Variants in UNKL observed in about 807,000 individuals in gnomAD.
UNKL encodes the protein unk like zinc finger.
UNKL carries 60 observed loss-of-function variants against 78.0 expected under a neutral mutation model. That is an observed-to-expected ratio of 0.77 (90% CI 0.63 to 0.95). UNKL has a LOEUF of 0.95. Ranked by LOEUF, UNKL falls within the 40% of genes least tolerant of loss-of-function variation. The pLI is 0.00. For synonymous variants in UNKL, 608 were observed against 474.8 expected (o/e 1.28, Z -3.65); for missense variants, 1,159 against 1,045.7 (o/e 1.11, Z -1.49).
intron 5 of UNKL, chr16:1,398,884 G>A (rs977741253): frequency 3.7e-5 from 58 of 1,574,630 alleles, no homozygotes; most frequent in Middle Eastern, 1.7e-4. Context: ...TGGGCAGGGC[G>A]ACCCTTGGGT....
intron 2 of UNKL, chr16:1,406,052 T>G (rs1596765557): frequency 2.2e-6 from 1 of 456,564 alleles, no homozygotes; most frequent in South Asian, 1.5e-5. Context: ...TGCCGGCTGG[T>G]TCCCAGGGAA....
intron 6 of UNKL, 75 bp from the exon 7 acceptor site, chr16:1,394,290 C>G: frequency 1.3e-6 from 2 of 1,492,688 alleles, no homozygotes; most frequent in Middle Eastern, 1.7e-4. Flanking sequence ...GGCATCATCC[C>G]AAGGGAGAGG....
intron 3 of UNKL, among the ~76,000 whole-genome samples, chr16:1,402,102 G>A (rs542163408): frequency 9.8e-5 from 15 of 152,346 alleles, no homozygotes; most frequent in East Asian, 3.9e-4. Flanking sequence ...GGCAGGATTC[G>A]CTTTTCTGCA....
chr16:1,392,815 A>G (rs552656140), intron 8 of UNKL, 76 bp downstream of exon 8: 6 of 1,495,642 alleles, frequency 4.0e-6, no homozygotes, highest in Admixed American at 2.0e-5. Flanking sequence ...CTGAAAACTC[A>G]TATCCATCCA....
chr16:1,396,641 C>T (rs1029632557), intron 6 of UNKL, among the ~76,000 whole-genome samples: 1 of 151,758 alleles, frequency 6.6e-6, no homozygotes, highest in African/African-American at 2.4e-5. Flanking sequence ...TTGCCCAGGC[C>T]AGAGTGCAGT....
In UNKL at chr16:1,397,466, G is replaced by A. The variant is rs554559697; in HGVS notation, c.735-171C>T. ...CGTGCTTCACGCTGGGGCAGGGCGT[G>A]GACCTGGGGATGAGGAGGTGTCAGG... On this transcript the variant is annotated intron_variant, in intron 5 of 14. Transcript: ENST00000389221. Among the ~76,000 whole-genome samples the A allele has an allele frequency of 8.8e-5, 8 of 91,250 alleles. 1 individual carries two copies. The South Asian group carries it at 3.1e-3, about 35-fold the overall frequency. The allele number at this position is 91,250 out of a possible 152,430, so 59.9% of individuals were successfully genotyped here.
intron 11 of UNKL, 46 bp from the exon 12 acceptor site, chr16:1,370,403 T>C: frequency 3.3e-6 from 5 of 1,510,048 alleles, no homozygotes; most frequent in Non-Finnish European, 4.4e-6. Flanking sequence ...GCCAGGCCTC[T>C]GCCCAAACAT....
chr16:1,390,271 C>T (rs2036992314), intron 9 of UNKL, among the ~76,000 whole-genome samples: 1 of 152,194 alleles, frequency 6.6e-6, no homozygotes, highest in Non-Finnish European at 1.5e-5. Flanking sequence ...CAGGTGTGAG[C>T]CACCGTGCCC....
intron 2 of UNKL, chr16:1,405,813 C>T (rs554971017): frequency 1.1e-5 from 4 of 376,622 alleles, no homozygotes; most frequent in East Asian, 7.4e-5. Context: ...CTCTGCCTCA[C>T]GCTCCAATGC....
chr16:1,406,063 C>T lies in UNKL; in HGVS notation c.288-2719G>A, dbSNP rs529766968. On this transcript the variant is annotated intron_variant, in intron 2 of 14. Coordinates refer to ENST00000389221, the MANE Select transcript of UNKL (RefSeq NM_001372107.1). ...GCACTGCCGGCTGGTTCCCAGGGAA[C>T]GTGCGAGAACCACCGGGCTTAGGAG... 11 of 456,732 alleles carry T rather than the reference C, an allele frequency of 2.4e-5. No individual in the cohort carries two copies. In the East Asian group the frequency reaches 3.5e-4, roughly 14 times the overall value. The allele number at this position is 456,732 out of a possible 1,614,324, so 28.3% of individuals were successfully genotyped here.
At chr16:1,374,718 G>A (rs184988639) in intron 10 of UNKL, among the ~76,000 whole-genome samples, 11 of 152,232 alleles carry the variant, frequency 7.2e-5, no homozygotes, top group Admixed American at 3.3e-4. Context: ...AGGCAGGGCT[G>A]ACTCGTCAGG....
intron 10 of UNKL, among the ~76,000 whole-genome samples, chr16:1,376,020 G>A (rs2036188619): frequency 6.6e-6 from 1 of 152,220 alleles, no homozygotes; most frequent in Non-Finnish European, 1.5e-5. Flanking sequence ...GCCTTGGACA[G>A]GTGGCTCCAA....
intron 2 of UNKL, among the ~76,000 whole-genome samples, chr16:1,410,580 C>G (rs2037994990): frequency 6.6e-6 from 1 of 152,240 alleles, no homozygotes; most frequent in South Asian, 2.1e-4. Context: ...GCACTCCAGC[C>G]TGGGTGACAT....
At chr16:1,384,447 G>A (rs1318969076) in intron 10 of UNKL, among the ~76,000 whole-genome samples, 2 of 151,968 alleles carry the variant, frequency 1.3e-5, no homozygotes, top group South Asian at 2.1e-4. Flanking sequence ...GCACCATCAC[G>A]TGTCTCAGTG....
chr16:1,390,827 C>G, intron 8 of UNKL, 133 bp from the exon 9 acceptor site: 1 of 892,814 alleles, frequency 1.1e-6, no homozygotes, highest in East Asian at 2.8e-5. Flanking sequence ...CTCAGGAGTT[C>G]GAGACCAGCC....
At position 1,385,347 on chromosome 16, in the gene UNKL, G is replaced by T; in HGVS notation, c.1125C>A (p.Ala375=). Residue 375 remains alanine (A), a synonymous_variant, in exon 10 of 15, where the codon GCC becomes GCA. Transcript: ENST00000389221. The stretch of plus-strand genomic sequence containing the variant: ...ACGCCACGCTGGAGCTCACGCTGGG[G>T]GCCGGCGGGTGGACCGCTGCAAACA... ...LAVFAAVHPP[A]PSVSSSVASS... The T allele has an allele frequency of 7.0e-7, 1 of 1,418,958 alleles. No individual in the cohort carries two copies. The highest frequency in any genetic ancestry group is 9.2e-7 in the Non-Finnish European group (1 of 1,090,130). The allele number at this position is 1,418,958 out of a possible 1,614,324, so 87.9% of individuals were successfully genotyped here.
chr16:1,403,484 G>C lies in UNKL; in HGVS notation c.288-140C>G. The C allele has an allele frequency of 9.0e-7, 1 of 1,105,324 alleles. No individual in the cohort carries two copies. The highest frequency in any genetic ancestry group is 1.3e-6 in the Non-Finnish European group (1 of 790,462). The allele number at this position is 1,105,324 out of a possible 1,614,324, so 68.5% of individuals were successfully genotyped here. A position where few individuals can be genotyped will look rare whatever the true frequency, so the allele number is the denominator to read the frequency against. ...TCCAGATTCCTGTTCTAATCAGAAGGACGGACACACTGGACGCAGCACCTG... is the reference window on the plus strand; with the variant it reads ...TCCAGATTCCTGTTCTAATCAGAAGCACGGACACACTGGACGCAGCACCTG... On this transcript the variant is annotated intron_variant, in intron 2 of 14. Coordinates refer to ENST00000389221, the MANE Select transcript of UNKL (RefSeq NM_001372107.1). This position sits in a 1 kb window ranked among gnomAD's most constrained non-coding sequence, Gnocchi z 4.8.
At chr16:1,391,976 C>A (rs2037070015) in intron 8 of UNKL, among the ~76,000 whole-genome samples, 1 of 152,204 alleles carries the variant, frequency 6.6e-6, no homozygotes, top group Non-Finnish European at 1.5e-5. Flanking sequence ...GCGTGAGCCA[C>A]CGCGCCCGGC....
intron 9 of UNKL, 93 bp downstream of exon 9, chr16:1,390,539 C>G (rs1422581027): frequency 1.4e-6 from 2 of 1,392,086 alleles, no homozygotes; most frequent in African/African-American, 2.9e-5. Context: ...GAGCGCTGCC[C>G]TAACGCGATG....
Sources: allele counts gnomAD v4.1 joint callset (sites outside exome capture counted in the v4.1 genomes callset), GRCh38; gene constraint gnomAD v4.1.1; non-coding constraint Gnocchi (gnomAD v3.1); transcripts MANE v1.5; gene names NCBI Gene and HGNC (gene_info 2026-07-23, HGNC 2026-07-21).